The following LRP1B variants were observed in gnomAD, a reference collection of about 807,000 sequenced individuals.
LRP1B encodes low-density lipoprotein receptor-related protein 1B.
Under a neutral mutation model 556.6 loss-of-function variants are expected in LRP1B, and 217 were observed. The observed-to-expected ratio is 0.39, with a 90% CI of 0.35 to 0.44. The LOEUF (loss-of-function observed/expected upper bound fraction) is 0.44. Ranked by LOEUF, LRP1B falls within the 20% of genes least tolerant of loss-of-function variation. LRP1B has a pLI of 1.00. For synonymous variants in LRP1B, 2,047 were observed against 1,865.8 expected (o/e 1.10, Z -2.50); for missense variants, 5,053 against 5,620.8 (o/e 0.90, Z 3.23).
chr2:141,872,329 G>C (rs1410457406), intron 1 of LRP1B, among the ~76,000 whole-genome samples: 1 of 151,882 alleles, frequency 6.6e-6, no homozygotes, highest in Non-Finnish European at 1.5e-5. Context: ...ACTGGATTCA[G>C]AAGGAAACTA....
rs149187664 is a variant in LRP1B, at chr2:140,334,541, A to G, written c.12135T>C (p.Val4045=). The G allele has an allele frequency of 4.4e-6, 7 of 1,595,320 alleles. No individual in the cohort carries two copies. The highest frequency in any genetic ancestry group is 6.0e-6 in the Non-Finnish European group (7 of 1,171,120). Residue 4045 remains valine, a synonymous_variant, in exon 79 of 91, where the codon GTT becomes GTC. Coordinates refer to ENST00000389484, the MANE Select transcript of LRP1B (RefSeq NM_018557.3). ...CTTCTATATGGGAATGATCCCCAAC[A>G]ACAGTCCAGTACATCATCCTGAAGA... ...NPKRGMMYWT[V]VGDHSHIEEA...
chr2:140,550,989 TTCTC>T (rs1204943395), intron 43 of LRP1B, among the ~76,000 whole-genome samples: 1 of 152,072 alleles, frequency 6.6e-6, no homozygotes, highest in African/African-American at 2.4e-5. Context: ...TGAGAGCCCT[TTCTC>T]TCTGTCATGT....
chr2:141,317,589 G>A (rs1021279665), intron 3 of LRP1B, among the ~76,000 whole-genome samples: 6 of 152,076 alleles, frequency 3.9e-5, no homozygotes, highest in South Asian at 2.1e-4. Context: ...ACAATTTAGT[G>A]TATACCTATC....
intron 3 of LRP1B, among the ~76,000 whole-genome samples, chr2:141,452,793 T>C (rs896270359): frequency 6.6e-5 from 10 of 152,210 alleles, no homozygotes; most frequent in African/African-American, 2.4e-4. Flanking sequence ...CCAGGAGGTA[T>C]TTCCTTTCTT....
intron 41 of LRP1B, among the ~76,000 whole-genome samples, chr2:140,635,323 G>A (rs1232426971): frequency 6.6e-6 from 1 of 151,824 alleles, no homozygotes; most frequent in Non-Finnish European, 1.5e-5. Flanking sequence ...TTTTATTATA[G>A]CCAAAAAGGA....
At chr2:140,280,722 C>T (rs1682879886) in intron 84 of LRP1B, among the ~76,000 whole-genome samples, 1 of 151,764 alleles carries the variant, frequency 6.6e-6, no homozygotes, top group South Asian at 2.1e-4. Context: ...AAAGTAATGT[C>T]TTCCTTCCTA....
intron 2 of LRP1B, among the ~76,000 whole-genome samples, chr2:141,540,539 T>A (rs1337005343): frequency 6.6e-6 from 1 of 152,054 alleles, no homozygotes. Context: ...TCAAGACTCA[T>A]AGAAAGCCAG....
At chr2:141,323,018 A>G (rs2105474724) in intron 3 of LRP1B, among the ~76,000 whole-genome samples, 1 of 152,224 alleles carries the variant, frequency 6.6e-6, no homozygotes, top group East Asian at 1.9e-4. Context: ...AGTCATAAAG[A>G]AGATTAAATA....
At position 140,744,215 on chromosome 2, in the gene LRP1B, T is replaced by C. The variant is rs114131256; in HGVS notation, c.5758+24998A>G. Among the ~76,000 whole-genome samples the C allele has an allele frequency of 4.3e-3, 652 of 152,236 alleles. 5 individuals are homozygous for C. Among genetic ancestry groups the C allele is most frequent in the African/African-American group, 0.015 (624 of 41,534 alleles). The stretch of plus-strand genomic sequence containing the variant: ...CATTGCATTGATATACATATACCAT[T>C]GCATTGCATTGATATACATATACCA... On this transcript the variant is annotated intron_variant, in intron 35 of 90. Coordinates refer to ENST00000389484, the MANE Select transcript of LRP1B (RefSeq NM_018557.3).
chr2:140,331,855 C>G (rs6722386), intron 79 of LRP1B, among the ~76,000 whole-genome samples: 2,551 of 151,858 alleles, frequency 0.017, 79 homozygotes, highest in African/African-American at 0.059. Flanking sequence ...ACCACCATGC[C>G]TGGCTTATTT....
intron 1 of LRP1B, among the ~76,000 whole-genome samples, chr2:142,100,780 G>A (rs1706542770): frequency 6.6e-6 from 1 of 151,940 alleles, no homozygotes; most frequent in South Asian, 2.1e-4. Context: ...TCTTTAAGAT[G>A]ATAATAAAAT....
chr2:141,494,672 CA>C (rs903078104), intron 2 of LRP1B, among the ~76,000 whole-genome samples: 45 of 151,096 alleles, frequency 3.0e-4, no homozygotes, highest in African/African-American at 1.1e-3. Flanking sequence ...AGCGAATCAG[CA>C]AAAGGCTTCT....
At chr2:140,279,001 G>A (rs547220201) in intron 84 of LRP1B, among the ~76,000 whole-genome samples, 1 of 152,038 alleles carries the variant, frequency 6.6e-6, no homozygotes, top group Admixed American at 6.6e-5. Context: ...ACTGGACTGT[G>A]TTCTGCACCC....
intron 2 of LRP1B, among the ~76,000 whole-genome samples, chr2:141,757,948 A>C (rs911849676): frequency 6.6e-6 from 1 of 152,216 alleles, no homozygotes. Context: ...TGGTGAATGC[A>C]AAAAACTTAA....
intron 25 of LRP1B, among the ~76,000 whole-genome samples, chr2:140,878,025 A>G (rs1472521033): frequency 6.6e-6 from 1 of 152,208 alleles, no homozygotes; most frequent in African/African-American, 2.4e-5. Context: ...AAGCATATTC[A>G]GAAAAACAAT....
At chr2:142,016,861 C>A (rs1276887385) in intron 1 of LRP1B, among the ~76,000 whole-genome samples, 3 of 148,826 alleles carry the variant, frequency 2.0e-5, no homozygotes, top group African/African-American at 7.4e-5. Context: ...TATATATACA[C>A]ACACATATAT....
intron 3 of LRP1B, among the ~76,000 whole-genome samples, chr2:141,327,497 A>T (rs1687468796): frequency 6.6e-6 from 1 of 152,196 alleles, no homozygotes; most frequent in Non-Finnish European, 1.5e-5. Context: ...TTCCAAGAAC[A>T]CAGGAATAGT....
chr2:141,412,623 T>A, intron 3 of LRP1B, among the ~76,000 whole-genome samples: 1 of 152,192 alleles, frequency 6.6e-6, no homozygotes, highest in East Asian at 1.9e-4. Flanking sequence ...TTGTGTAATT[T>A]TTTTAAGTAC....
intron 3 of LRP1B, among the ~76,000 whole-genome samples, chr2:141,309,503 T>C (rs992810674): frequency 1.3e-5 from 2 of 152,214 alleles, no homozygotes. Flanking sequence ...GCCATGAGGA[T>C]TCCACTCTCA....
Sources: gnomAD v4.1 joint callset for allele counts (sites outside exome capture counted in the v4.1 genomes callset) on GRCh38, gnomAD v4.1.1 for gene constraint, MANE v1.5 for transcripts, NCBI Gene and HGNC (gene_info 2026-07-23, HGNC 2026-07-21) for gene names.